The following TRIM7 variants were observed in gnomAD, a reference collection of about 807,000 sequenced individuals.
TRIM7 encodes the protein tripartite motif containing 7, also known as E3 ubiquitin-protein ligase TRIM7.
TRIM7 carries 32 observed loss-of-function variants against 37.9 expected under a neutral mutation model. That is an observed-to-expected ratio of 0.84 (90% CI 0.64 to 1.13). The LOEUF is 1.13. Ranked by LOEUF, TRIM7 falls within the 50% of genes most tolerant of loss-of-function variation. The pLI, the probability that TRIM7 is intolerant of heterozygous loss-of-function variation, is 0.00. For synonymous variants in TRIM7, 351 were observed against 321.3 expected (o/e 1.09, Z -0.99); for missense variants, 732 against 714.0 (o/e 1.03, Z -0.29).
At chr5:181,199,429 A>G in intron 3 of TRIM7, 1 of 515,794 alleles carries the variant, frequency 1.9e-6, no homozygotes, top group South Asian at 2.2e-5. Context: ...GTGTCCTGGA[A>G]ACCACCTGAG....
intron 6 of TRIM7, 61 bp from the exon 7 acceptor site, chr5:181,195,738 AG>A: frequency 2.7e-6 from 4 of 1,499,722 alleles, no homozygotes; most frequent in Non-Finnish European, 3.6e-6. Flanking sequence ...CAGTCTTTGC[AG>A]GGCCGCGCCC....
At chr5:181,202,928 A>T (rs893538649) in intron 2 of TRIM7, 1 of 152,314 alleles carries the variant, frequency 6.6e-6, no homozygotes, top group African/African-American at 2.4e-5. Flanking sequence ...CCTAAGGAAG[A>T]TAAAATATCA....
At chr5:181,201,805 G>A (rs1757503647) in intron 2 of TRIM7, among the ~76,000 whole-genome samples, 1 of 152,216 alleles carries the variant, frequency 6.6e-6, no homozygotes, top group South Asian at 2.1e-4. Context: ...AGAGGTGGAA[G>A]GTGTTAAGCA....
In TRIM7 at chr5:181,195,540, C is replaced by G. The variant is rs1470531483; in HGVS notation, c.1162G>C (p.Ala388Pro). The G allele has an allele frequency of 6.2e-7, 1 of 1,612,420 alleles. No homozygotes were observed. Among genetic ancestry groups the G allele is most frequent in the African/African-American group, 1.3e-5 (1 of 75,038 alleles). ...CRFDTNTRVL[A>P]SCGFSSGRHH... ...CGGCCCGAGGAGAAGCCGCAGGACG[C>G]CAGGACGCGGGTGTTGGTGTCGAAG... Residue 388 changes from alanine to proline, a missense_variant, in exon 7 of 7, where the codon GCG becomes CCG. Transcript: ENST00000274773.
Position 181,195,402 on chromosome 5 carries a change from C to CCCAGACGCCCT in TRIM7, c.1289_1299dup (p.Ala434ArgfsTer16). ...TACTGGCCGCCGTTGAGCTGCAGGG[C>CCCAGACGCCCT]CCAGACGCCCTCCTCGGGAGTGAAG... is the stretch of plus-strand genomic sequence containing the variant. On this transcript the variant is annotated frameshift_variant, in exon 7 of 7. Coordinates refer to ENST00000274773, the MANE Select transcript of TRIM7 (RefSeq NM_203293.3). LOFTEE classifies it low-confidence loss of function (END_TRUNC). 6.3e-7 allele frequency: 1 copy of CCCAGACGCCCT among 1,590,256 alleles called. No individual in the cohort carries two copies. Among genetic ancestry groups the CCCAGACGCCCT allele is most frequent in the Non-Finnish European group, 8.6e-7 (1 of 1,168,352 alleles).
At chr5:181,198,887 C>A in intron 4 of TRIM7, 82 bp from the exon 5 acceptor site, 1 of 1,251,454 alleles carries the variant, frequency 8.0e-7, no homozygotes, top group Non-Finnish European at 1.1e-6. Flanking sequence ...GCGAGGTCCT[C>A]TTGGCAGAAA....
rs762168556 is a variant in TRIM7 at position 181,194,279 on chromosome 5, C to T, written c.*887G>A. ...AAAGTTCGGGTACAGCGGCTCACACCTGTAATCCCAGCTCTTAGGGAGATG... is the reference window on the plus strand; with the variant it reads ...AAAGTTCGGGTACAGCGGCTCACACTTGTAATCCCAGCTCTTAGGGAGATG... On this transcript the variant is annotated 3_prime_UTR_variant, in exon 7 of 7. Coordinates refer to ENST00000274773, the MANE Select transcript of TRIM7 (RefSeq NM_203293.3). 6.6e-6 allele frequency: 1 copy of T among 152,286 alleles called. No individual in the cohort carries two copies. The highest frequency in any genetic ancestry group is 1.5e-5 in the Non-Finnish European group (1 of 68,086). The allele number at this position is 152,286 out of a possible 1,614,324, so 9.4% of individuals were successfully genotyped here.
At chr5:181,200,533 T>G (rs561205027) in intron 2 of TRIM7, 1 of 1,048,926 alleles carries the variant, frequency 9.5e-7, no homozygotes, top group South Asian at 3.7e-5. Flanking sequence ...CCATCTTTCC[T>G]GTTTAGCAGT....
At chr5:181,203,912 C>G (rs1192615613) in intron 1 of TRIM7, 1 of 1,190,856 alleles carries the variant, frequency 8.4e-7, no homozygotes, top group Non-Finnish European at 1.0e-6. Flanking sequence ...CTCTCCGCCC[C>G]CCCACCAGGA....
At position 181,194,979 on chromosome 5, in the gene TRIM7, GC is replaced by G; in HGVS notation, c.*186del. The G allele has an allele frequency of 1.5e-6, 1 of 658,008 alleles. No individual in the cohort carries two copies. The allele number at this position is 658,008 out of a possible 1,614,324, so 40.8% of individuals were successfully genotyped here. A position where few individuals can be genotyped will look rare whatever the true frequency, so the allele number is the denominator to read the frequency against. ...AAGGGAACACCCTCAGGAGTCCAAAGCCCCTGTTCCCCTGCTCGGTTGGCCA... is the reference window on the plus strand; with the variant it reads ...AAGGGAACACCCTCAGGAGTCCAAAGCCCTGTTCCCCTGCTCGGTTGGCCA... On this transcript the variant is annotated 3_prime_UTR_variant, in exon 7 of 7. Transcript: ENST00000274773.
rs924729003 is a variant in TRIM7, at chr5:181,204,903, G to C, written c.208C>G (p.Arg70Gly). 5 of 1,370,924 alleles carry C rather than the reference G, an allele frequency of 3.6e-6. No individual in the cohort carries two copies. The African/African-American group carries it at 6.1e-5, about 17-fold the overall frequency. 84.9% of individuals were successfully genotyped at this position (1,370,924 alleles called of 1,614,324 possible). A position where few individuals can be genotyped will look rare whatever the true frequency, so the allele number is the denominator to read the frequency against. Residue 70 changes from arginine (R) to glycine (G), a missense_variant, in exon 1 of 7, where the codon CGC (arginine) becomes GGC (glycine). By Grantham distance (125) the Arg-to-Gly change is moderately radical. Transcript: ENST00000274773. ...PGAGSVGAAT[R>G]APPFPLPCPQ... ...CAGGGCAGTGGGAAGGGGGGCGCGC[G>C]GGTGGCGGCCCCAACAGACCCCGCG...
At position 181,195,430 on chromosome 5, in the gene TRIM7, C is replaced by G; in HGVS notation, c.1272G>C (p.Thr424=). The G allele has an allele frequency of 6.2e-7, 1 of 1,605,072 alleles. No homozygotes were observed. The highest frequency in any genetic ancestry group is 8.5e-7 in the Non-Finnish European group (1 of 1,176,272). Residue 424 remains threonine (T), a synonymous_variant, in exon 7 of 7, where the codon ACG becomes ACC. Coordinates refer to ENST00000274773, the MANE Select transcript of TRIM7 (RefSeq NM_203293.3). The part of the protein sequence containing the change: ...ARESVRRKGL[T]PFTPEEGVWA... ...AGACGCCCTCCTCGGGAGTGAAGGG[C>G]GTCAGGCCCTTTCGGCGCACGCTCT...
At chr5:181,204,291 C>T (rs1042597048) in intron 1 of TRIM7, 4 of 1,121,928 alleles carry the variant, frequency 3.6e-6, no homozygotes, top group Non-Finnish European at 4.4e-6. Flanking sequence ...AGGCTAGAGG[C>T]TCCGAACAGA....
intron 3 of TRIM7, 81 bp downstream of exon 3, chr5:181,199,770 C>G: frequency 6.7e-7 from 1 of 1,490,986 alleles, no homozygotes. Flanking sequence ...CCTAGACCCC[C>G]CAGGACTGAC....
At chr5:181,198,632 C>T (rs1193294827) in intron 5 of TRIM7, 58 bp downstream of exon 5, 2 of 1,245,968 alleles carry the variant, frequency 1.6e-6, no homozygotes, top group Middle Eastern at 2.0e-4. Context: ...CCCTGAGCTA[C>T]CAGGAACCCT....
At chr5:181,201,648 TC>T (rs1757494160) in intron 2 of TRIM7, among the ~76,000 whole-genome samples, 1 of 152,300 alleles carries the variant, frequency 6.6e-6, no homozygotes, top group South Asian at 2.1e-4. Flanking sequence ...ACACCTGTAG[TC>T]CCAGCTACTC....
At chr5:181,199,509 A>G in intron 3 of TRIM7, 1 of 463,988 alleles carries the variant, frequency 2.2e-6, no homozygotes, top group South Asian at 2.7e-5. Flanking sequence ...CCATCTATGG[A>G]TTGTGAAGTT....
intron 4 of TRIM7, 112 bp from the exon 5 acceptor site, chr5:181,198,917 C>A (rs1473193943): frequency 4.2e-6 from 5 of 1,178,814 alleles, no homozygotes; most frequent in Non-Finnish European, 5.0e-6. Flanking sequence ...AAGGGAGAGC[C>A]AGACCTCATG....
chr5:181,196,050 G>A (rs1757098986), intron 6 of TRIM7: 1 of 213,084 alleles, frequency 4.7e-6, no homozygotes, highest in Admixed American at 5.9e-5. Context: ...ACACACTGAG[G>A]TATTTATGGC....
Sources: allele counts gnomAD v4.1 joint callset (sites outside exome capture counted in the v4.1 genomes callset), GRCh38; gene constraint gnomAD v4.1.1; transcripts MANE v1.5; gene names NCBI Gene and HGNC (gene_info 2026-07-23, HGNC 2026-07-21).